DSP: variants seen among roughly 807,000 people sequenced by gnomAD.
The protein encoded by DSP is 250/210 kDa paraneoplastic pemphigus antigen.
A neutral mutation model predicts 290.6 loss-of-function variants in DSP; 114 were observed. The observed-to-expected ratio is 0.39, with a 90% confidence interval of 0.34 to 0.46. The LOEUF (loss-of-function observed/expected upper bound fraction) is 0.46. Among genes scored for constraint, DSP ranks in the 20% least tolerant of loss-of-function variants. The pLI is 0.99. For synonymous variants in DSP, 1,311 were observed against 1,316.4 expected, an observed-to-expected ratio of 1.00 and a Z score of 0.09; for missense variants, 3,230 against 3,495.8, an observed-to-expected ratio of 0.92 and a Z score of 1.92.
At chr6:7,574,855 C>G in intron 17 of DSP, 60 bp downstream of exon 17, 1 of 1,611,810 alleles carries the variant, frequency 6.2e-7, no homozygotes, top group African/African-American at 1.3e-5. Flanking sequence ...ATCTGAGCTC[C>G]CAATTATAAA....
chr6:7,562,630 T>A, intron 4 of DSP, 22 bp from the exon 5 acceptor site: 1 of 1,613,912 alleles, frequency 6.2e-7, no homozygotes, highest in South Asian at 1.1e-5. Flanking sequence ...AAAGGGCGCC[T>A]CTCTTTGTCT....
In DSP at chr6:7,580,744, C is replaced by T. The variant is rs1359876288; in HGVS notation, c.4554C>T (p.Asn1518=). ...TCCAGTATGACCTGCAGAAAGCAAACAGTAGTGCGACGGAGACAATAAACA... is the reference window on the plus strand; with the variant it reads ...TCCAGTATGACCTGCAGAAAGCAAATAGTAGTGCGACGGAGACAATAAACA... ...QRVQYDLQKA[N]SSATETINKL... The change falls in exon 23 of 24, where the codon AAC becomes AAT. Residue 1518 remains asparagine, a synonymous_variant. Coordinates refer to ENST00000379802, the MANE Select transcript of DSP (RefSeq NM_004415.4). This position sits in a 1 kb window ranked among gnomAD's most constrained non-coding sequence, Gnocchi z 4.2. 6.2e-7 allele frequency: 1 copy of T among 1,614,000 alleles called. No homozygotes were observed. The highest frequency in any genetic ancestry group is 1.1e-5 in the South Asian group (1 of 91,082).
chr6:7,583,852 G>C lies in DSP; in HGVS notation c.6590G>C (p.Gly2197Ala). ...CGGTGCAGAATCGAACCACATACTG[G>C]TCTGCTCTTGCTTTCAGTACAGAAG... Reference protein sequence around the residue: ...KERCRIEPHTGLLLLSVQKRS... With the variant: ...KERCRIEPHTALLLLSVQKRS... The change falls in exon 24 of 24, where the codon GGT becomes GCT. Residue 2197 changes from glycine to alanine, a missense_variant. By Grantham distance (60) the Gly-to-Ala change is moderately conservative (BLOSUM62 0). Coordinates refer to ENST00000379802, the MANE Select transcript of DSP (RefSeq NM_004415.4). This position sits in a 1 kb window ranked among gnomAD's most constrained non-coding sequence, Gnocchi z 4.0. 1 of 1,614,088 alleles carries C rather than the reference G, an allele frequency of 6.2e-7. No individual in the cohort carries two copies. Among genetic ancestry groups the C allele is most frequent in the Non-Finnish European group, 8.5e-7 (1 of 1,180,032 alleles).
chr6:7,547,512 T>A (rs1307564227), intron 1 of DSP, among the ~76,000 whole-genome samples: 4 of 152,122 alleles, frequency 2.6e-5, no homozygotes, highest in Non-Finnish European at 5.9e-5. Context: ...ACTGCAGTCT[T>A]GACCACTCAG....
Position 7,582,927 on chromosome 6 carries a change from G to T in DSP, c.5665G>T (p.Glu1889Ter). 1 of 1,614,046 alleles carries T rather than the reference G, an allele frequency of 6.2e-7. No homozygotes were observed. The highest frequency in any genetic ancestry group is 8.5e-7 in the Non-Finnish European group (1 of 1,180,008). ...GATAGAATCGGAAAGAGAAAAGAGT[G>T]AGAGAGAGAAGAACAGTCTTAGGAG... ...RKIESEREKSEREKNSLRSEI... is the reference protein window; with the variant it reads ...RKIESEREKS The change falls in exon 24 of 24, where the codon GAG becomes TAG. Residue 1889 changes from glutamate (E) to a stop codon, truncating the protein, a stop_gained. Coordinates refer to ENST00000379802, the MANE Select transcript of DSP (RefSeq NM_004415.4). LOFTEE classifies it high-confidence loss of function. This position sits in a 1 kb window ranked among gnomAD's most constrained non-coding sequence, Gnocchi z 4.2.
chr6:7,563,642 C>A, intron 5 of DSP, 94 bp from the exon 6 acceptor site: 1 of 975,884 alleles, frequency 1.0e-6, no homozygotes, highest in Non-Finnish European at 1.7e-6. Flanking sequence ...GGATCTGAGG[C>A]CAGTATCTGA....
chr6:7,547,175 G>A (rs554826898), intron 1 of DSP, among the ~76,000 whole-genome samples: 3 of 152,114 alleles, frequency 2.0e-5, no homozygotes, highest in Admixed American at 6.5e-5. Flanking sequence ...TGGCCCTGCC[G>A]CTTGAAAACG....
Position 7,555,757 on chromosome 6 carries a change from C to T in DSP, c.210C>T (p.Thr70=), listed in dbSNP as rs1303431114. Residue 70 remains threonine, a synonymous_variant, in exon 2 of 24, where the codon ACC becomes ACT. Transcript: ENST00000379802. ...GTMSRHQNQN[T]IQELLQNCSD... is the part of the protein sequence containing the mutation. ...TGTCCAGGCACCAGAACCAGAACAC[C>T]ATCCAGGAGCTGCTGCAGAACTGCT... The T allele has an allele frequency of 1.9e-6, 3 of 1,614,234 alleles. No individual in the cohort carries two copies. The highest frequency in any genetic ancestry group is 2.5e-6 in the Non-Finnish European group (3 of 1,180,048).
chr6:7,573,044 G>A (rs1423139400), intron 15 of DSP, among the ~76,000 whole-genome samples: 2 of 152,058 alleles, frequency 1.3e-5, no homozygotes, highest in African/African-American at 4.8e-5. Context: ...GGAGTTGGAG[G>A]CTGCAGGGAG....
intron 1 of DSP, among the ~76,000 whole-genome samples, chr6:7,553,027 C>T (rs1183403333): frequency 1.3e-5 from 2 of 152,172 alleles, no homozygotes; most frequent in Admixed American, 1.3e-4. Flanking sequence ...TCCTCCCTGT[C>T]TCTGTTTTTT....
At chr6:7,543,932 G>T (rs1200462817) in intron 1 of DSP, among the ~76,000 whole-genome samples, 1 of 152,082 alleles carries the variant, frequency 6.6e-6, no homozygotes, top group Non-Finnish European at 1.5e-5. Flanking sequence ...TTTTGGGCAG[G>T]CTCCATGTTT....
At position 7,558,409 on chromosome 6, in the gene DSP, A is replaced by G. The variant is rs76059757; in HGVS notation, c.422+145A>G. 6,052 of 1,132,006 alleles carry G rather than the reference A, an allele frequency of 5.3e-3. 223 individuals carry two copies. In the African/African-American group the frequency reaches 0.079, roughly 15 times the overall value. 70.1% of individuals were successfully genotyped at this position (1,132,006 alleles called of 1,614,324 possible). On this transcript the variant is annotated intron_variant, in intron 3 of 23. Transcript: ENST00000379802. The stretch of plus-strand genomic sequence containing the variant: ...AGGTTTGCTTACTTGGTATTTTGCA[A>G]CTTTATTATGTATCTCTAATACAAA...
Position 7,541,857 on chromosome 6 carries a change from G to A in DSP, c.-59G>A. On this transcript the variant is annotated 5_prime_UTR_variant, in exon 1 of 24. Transcript: ENST00000379802. ...ATCCTTGGCCCCCTCCGCTTTCTCC[G>A]CGCCGGCCCGCCTCGCTTATGCCTC... 6.5e-7 allele frequency: 1 copy of A among 1,549,060 alleles called. No individual in the cohort carries two copies. The highest frequency in any genetic ancestry group is 8.7e-7 in the Non-Finnish European group (1 of 1,148,846).
chr6:7,551,335 C>T (rs1446762772), intron 1 of DSP, among the ~76,000 whole-genome samples: 3 of 151,986 alleles, frequency 2.0e-5, no homozygotes, highest in Non-Finnish European at 4.4e-5. Context: ...TAAAAAAATG[C>T]ATGTTTCCTG....
rs776542347 is a variant in DSP, at chr6:7,571,601, TTTCTCTTTG to T, written c.1903+19_1903+27del. On this transcript the variant is annotated intron_variant, in intron 14 of 23. Transcript: ENST00000379802. ...ACCAGACAGGTCGGCTTGGGACATC[TTTCTCTTTG>T]TATCAACCATCCATACCATTTTAAA... The T allele has an allele frequency of 6.2e-7, 1 of 1,613,908 alleles. No individual in the cohort carries two copies.
chr6:7,558,507 C>CTTTTT (rs145193988), intron 3 of DSP, among the ~76,000 whole-genome samples: 7 of 104,544 alleles, frequency 6.7e-5, no homozygotes, highest in East Asian at 2.6e-4. Flanking sequence ...TGGCATTTGA[C>CTTTTT]TTTTTTTTTT....
intron 1 of DSP, among the ~76,000 whole-genome samples, chr6:7,545,476 A>C (rs1461720286): frequency 6.6e-6 from 1 of 152,192 alleles, no homozygotes; most frequent in African/African-American, 2.4e-5. Flanking sequence ...TCACAGCCTG[A>C]CTTTTAGAAT....
rs770777939 is a variant in DSP at position 7,565,553 on chromosome 6, T to C, written c.939+33T>C. 8 of 1,613,478 alleles carry C rather than the reference T, an allele frequency of 5.0e-6. No individual in the cohort carries two copies. The highest frequency in any genetic ancestry group is 5.1e-6 in the Non-Finnish European group (6 of 1,179,654). On this transcript the variant is annotated intron_variant, in intron 7 of 23. Transcript: ENST00000379802. The surrounding 1 kb of genome is among the most constrained non-coding windows in gnomAD (Gnocchi z 4.2). ...CACCCCACGCGGCTGTAGATGCTTG[T>C]CTTGAGCCTGTTGCCTTGAAGAGCT...
At chr6:7,544,491 CTTT>C (rs386406062) in intron 1 of DSP, among the ~76,000 whole-genome samples, 3 of 142,768 alleles carry the variant, frequency 2.1e-5, no homozygotes, top group African/African-American at 2.6e-5. Context: ...TTCTTTCTTT[CTTT>C]TTTTTTTTTT....
Sources: gnomAD v4.1 joint callset for allele counts (sites outside exome capture counted in the v4.1 genomes callset) on GRCh38, gnomAD v4.1.1 for gene constraint, Gnocchi (gnomAD v3.1) non-coding constraint, MANE v1.5 for transcripts, NCBI Gene and HGNC (gene_info 2026-07-23, HGNC 2026-07-21) for gene names.